Variants in SMIM14 observed in about 807,000 individuals in gnomAD.
SMIM14 encodes chromosome 4 open reading frame 34.
Under a neutral mutation model 12.6 loss-of-function variants are expected in SMIM14, and 5 were observed. The observed-to-expected ratio is 0.40, with a 90% CI of 0.21 to 0.83. The LOEUF (loss-of-function observed/expected upper bound fraction) is 0.83, where lower values mean the gene tolerates loss of function less well. SMIM14 is among the 40% of genes least tolerant of loss of function. The probability of loss-of-function intolerance (pLI) is 0.37; values close to 1 mark genes in which losing one functional copy is unlikely to be tolerated. For synonymous variants in SMIM14, 30 were observed against 40.1 expected (o/e 0.75, Z 0.95); for missense variants, 86 against 119.1 (o/e 0.72, Z 1.29).
chr4:39,548,414 A>T lies in SMIM14; in HGVS notation c.*3712T>A, dbSNP rs950766787. 4.0e-5 allele frequency: 6 copies of T among 151,688 alleles called. No individual in the cohort carries two copies. The East Asian group carries it at 7.8e-4, about 20-fold the overall frequency. 9.4% of individuals were successfully genotyped at this position (151,688 alleles called of 1,614,324 possible). A position where few individuals can be genotyped will look rare whatever the true frequency, so the allele number is the denominator to read the frequency against. On this transcript the variant is annotated 3_prime_UTR_variant, in exon 5 of 5. Transcript: ENST00000295958. Reference sequence around the variant, plus strand: ...TTGCTATGTTGCCCAGGCTAGTCTCAAACTCCTGGGCTCAAGCAGTTCTTG... The same window carrying T: ...TTGCTATGTTGCCCAGGCTAGTCTCTAACTCCTGGGCTCAAGCAGTTCTTG...
At chr4:39,562,489 G>A (rs1200208875) in intron 3 of SMIM14, among the ~76,000 whole-genome samples, 1 of 151,904 alleles carries the variant, frequency 6.6e-6, no homozygotes, top group East Asian at 1.9e-4. Flanking sequence ...TCAACTCTGG[G>A]GTTTTTCTGT....
At position 39,621,634 on chromosome 4, in the gene SMIM14, G is replaced by T. The variant is rs1254655308; in HGVS notation, c.-35-16454C>A. Among the ~76,000 whole-genome samples the T allele has an allele frequency of 1.5e-4, 22 of 146,400 alleles. No homozygotes were observed. In the Admixed American group the frequency reaches 1.5e-3, roughly 10 times the overall value. On this transcript the variant is annotated intron_variant, in intron 1 of 4. Coordinates refer to ENST00000295958, the MANE Select transcript of SMIM14 (RefSeq NM_174921.3). Reference sequence around the variant, plus strand: ...GATGATCTAAATATCCAGCTAAAAAGAAATATTTAAATTGTGATATACACT... The same window carrying T: ...GATGATCTAAATATCCAGCTAAAAATAAATATTTAAATTGTGATATACACT...
intron 1 of SMIM14, among the ~76,000 whole-genome samples, chr4:39,634,808 G>C (rs2109260994): frequency 6.6e-6 from 1 of 152,116 alleles, no homozygotes; most frequent in East Asian, 1.9e-4. Context: ...GCCCAATAAA[G>C]AGGCTGAAAA....
intron 2 of SMIM14, among the ~76,000 whole-genome samples, chr4:39,601,894 C>A (rs1714627886): frequency 1.4e-5 from 2 of 148,058 alleles, no homozygotes; most frequent in Admixed American, 1.4e-4. Flanking sequence ...TTGCAATGAG[C>A]TATTACCACA....
At chr4:39,601,108 A>ATTTT (rs1714594012) in intron 2 of SMIM14, among the ~76,000 whole-genome samples, 1 of 152,138 alleles carries the variant, frequency 6.6e-6, no homozygotes, top group African/African-American at 2.4e-5. Context: ...TATGAAAAGG[A>ATTTT]ACTAATAATA....
intron 1 of SMIM14, among the ~76,000 whole-genome samples, chr4:39,606,083 C>T (rs1233445714): frequency 1.3e-5 from 2 of 152,114 alleles, no homozygotes; most frequent in Non-Finnish European, 2.9e-5. Context: ...CACTGGCTTA[C>T]TCCTGTAATC....
chr4:39,546,813 T>C lies in SMIM14; in HGVS notation c.*5313A>G, dbSNP rs765943518. 6 of 152,226 alleles carry C rather than the reference T, an allele frequency of 3.9e-5. No individual in the cohort carries two copies. 9.4% of individuals were successfully genotyped at this position (152,226 alleles called of 1,614,324 possible). ...TATTACATAAACACTGACGTCAAAA[T>C]CATGCCAGAGCAGTGTTACTATTTT... On this transcript the variant is annotated 3_prime_UTR_variant, in exon 5 of 5. Transcript: ENST00000295958.
chr4:39,559,472 G>A (rs1321722201), intron 3 of SMIM14, among the ~76,000 whole-genome samples: 2 of 152,106 alleles, frequency 1.3e-5, no homozygotes, highest in Non-Finnish European at 2.9e-5. Flanking sequence ...ATCCCTAGGT[G>A]ATTACTAAAA....
intron 3 of SMIM14, among the ~76,000 whole-genome samples, chr4:39,560,151 T>C (rs1712227702): frequency 6.6e-6 from 1 of 151,726 alleles, no homozygotes; most frequent in South Asian, 2.1e-4. Flanking sequence ...AAACAAACAC[T>C]TTCTTCCATT....
At chr4:39,613,774 T>C (rs776263070) in intron 1 of SMIM14, among the ~76,000 whole-genome samples, 11 of 152,178 alleles carry the variant, frequency 7.2e-5, no homozygotes, top group Non-Finnish European at 1.5e-4. Flanking sequence ...TAGAGAACAA[T>C]GCTAATACCA....
At chr4:39,626,394 A>C (rs1348915655) in intron 1 of SMIM14, among the ~76,000 whole-genome samples, 1 of 152,228 alleles carries the variant, frequency 6.6e-6, no homozygotes, top group Non-Finnish European at 1.5e-5. Flanking sequence ...CCACTCAATT[A>C]AGAATCACTT....
chr4:39,614,856 A>C (rs1443953335), intron 1 of SMIM14, among the ~76,000 whole-genome samples: 1 of 152,120 alleles, frequency 6.6e-6, no homozygotes, highest in Non-Finnish European at 1.5e-5. Flanking sequence ...GGAAGGCAAA[A>C]AGCAATTCCC....
At position 39,591,154 on chromosome 4, in the gene SMIM14, G is replaced by A. The variant is rs28398131; in HGVS notation, c.75+13917C>T. Among the ~76,000 whole-genome samples the A allele has an allele frequency of 4.6e-3, 693 of 151,930 alleles. 5 individuals are homozygous for A. Among genetic ancestry groups the A allele is most frequent in the African/African-American group, 0.016 (658 of 41,428 alleles). On this transcript the variant is annotated intron_variant, in intron 2 of 4. Transcript: ENST00000295958. ...GGTTACTTATAATACTTAATACAAT[G>A]TACAGGCTATGTAAACAGTGGTTAT...
chr4:39,638,493 C>T (rs1018346685), intron 1 of SMIM14: 13 of 985,326 alleles, frequency 1.3e-5, no homozygotes, highest in Non-Finnish European at 7.2e-6. Context: ...CCTGCAAAGC[C>T]CCGACTCTGA....
At chr4:39,614,306 C>G (rs1715142014) in intron 1 of SMIM14, among the ~76,000 whole-genome samples, 1 of 149,926 alleles carries the variant, frequency 6.7e-6, no homozygotes, top group African/African-American at 2.4e-5. Context: ...GTTATAGGTT[C>G]TGGGGAGTTC....
In SMIM14 at chr4:39,576,678, ATATATATTTTTTTTTTTTTTTTTT is replaced by A. The variant is rs1227018963; in HGVS notation, c.76-4239_76-4216del. Reference sequence around the variant, plus strand: ...TGTATGTGTATATATATATATATATATATATATTTTTTTTTTTTTTTTTTTTTTTTTTTTTTTTTTTTTTTTGAG... The same window carrying A: ...TGTATGTGTATATATATATATATATATTTTTTTTTTTTTTTTTTTTTTGAG... On this transcript the variant is annotated intron_variant, in intron 2 of 4. Transcript: ENST00000295958. Among the ~76,000 whole-genome samples, 88 of 29,942 alleles carry A rather than the reference ATATATATTTTTTTTTTTTTTTTTT, an allele frequency of 2.9e-3. 5 individuals carry two copies. The highest frequency in any genetic ancestry group is 0.011 in the African/African-American group (87 of 7,964). 19.6% of individuals were successfully genotyped at this position (29,942 alleles called of 152,430 possible). A position where few individuals can be genotyped will look rare whatever the true frequency, so the allele number is the denominator to read the frequency against.
At chr4:39,624,844 C>T (rs927006567) in intron 1 of SMIM14, among the ~76,000 whole-genome samples, 5 of 145,726 alleles carry the variant, frequency 3.4e-5, no homozygotes, top group African/African-American at 7.6e-5. Flanking sequence ...ACTTCCTATT[C>T]GTTCTTAGTA....
chr4:39,626,280 G>C lies in SMIM14; in HGVS notation c.-36+12459C>G, dbSNP rs189841992. Among the ~76,000 whole-genome samples, 311 of 152,186 alleles carry C rather than the reference G, an allele frequency of 2.0e-3. 2 individuals carry two copies. In the Middle Eastern group the frequency reaches 0.034, roughly 17 times the overall value. ...TGGTCCCTGGTGCAAAAAAGGTTGG[G>C]GACCACTGGATTAGAGTATACCAAG... On this transcript the variant is annotated intron_variant, in intron 1 of 4. Transcript: ENST00000295958.
intron 2 of SMIM14, among the ~76,000 whole-genome samples, chr4:39,579,675 T>C (rs1713394439): frequency 6.6e-6 from 1 of 151,634 alleles, no homozygotes; most frequent in Non-Finnish European, 1.5e-5. Context: ...CAACCCCATT[T>C]CTACTAAAAA....
Sources: allele counts gnomAD v4.1 joint callset (sites outside exome capture counted in the v4.1 genomes callset), GRCh38; gene constraint gnomAD v4.1.1; transcripts MANE v1.5; gene names NCBI Gene and HGNC (gene_info 2026-07-23, HGNC 2026-07-21).